The following KCNQ5 variants were observed in gnomAD, a reference collection of about 807,000 sequenced individuals.
KCNQ5 encodes the protein potassium voltage-gated channel subfamily Q member 5.
KCNQ5 carries 30 observed loss-of-function variants against 98.2 expected under a neutral mutation model. That is an observed-to-expected ratio of 0.31 (90% CI 0.23 to 0.41). The LOEUF (loss-of-function observed/expected upper bound fraction) is 0.41. Among genes scored for constraint, KCNQ5 ranks in the 10% least tolerant of loss-of-function variants. The pLI, the probability that KCNQ5 is intolerant of heterozygous loss-of-function variation, is 1.00. For synonymous variants in KCNQ5, 458 were observed against 449.4 expected, an observed-to-expected ratio of 1.02 and a Z score of -0.24; for missense variants, 835 against 1,182.5, an observed-to-expected ratio of 0.71 and a Z score of 4.31.
chr6:73,031,511 G>A (rs551927360), intron 2 of KCNQ5, among the ~76,000 whole-genome samples: 3 of 152,274 alleles, frequency 2.0e-5, no homozygotes, highest in South Asian at 2.1e-4. Flanking sequence ...GCCTGAAGCC[G>A]TGAACTGAAG....
intron 1 of KCNQ5, among the ~76,000 whole-genome samples, chr6:72,893,077 G>A (rs1779117391): frequency 6.6e-6 from 1 of 152,082 alleles, no homozygotes; most frequent in African/African-American, 2.4e-5. Flanking sequence ...CTCCAAAAAT[G>A]AAAATAAAAA....
chr6:73,183,544 T>C (rs1031117281), intron 11 of KCNQ5, among the ~76,000 whole-genome samples: 1 of 152,104 alleles, frequency 6.6e-6, no homozygotes, highest in Non-Finnish European at 1.5e-5. Flanking sequence ...GTTAAGTTCA[T>C]TGCATCATAG....
intron 1 of KCNQ5, among the ~76,000 whole-genome samples, chr6:72,837,873 A>G (rs1776578596): frequency 6.6e-6 from 1 of 152,192 alleles, no homozygotes; most frequent in Admixed American, 6.5e-5. Context: ...AGTACACTAT[A>G]CATTGAATTA....
intron 1 of KCNQ5, among the ~76,000 whole-genome samples, chr6:72,759,517 A>G (rs889875922): frequency 3.3e-5 from 5 of 152,162 alleles, no homozygotes; most frequent in African/African-American, 9.7e-5. Flanking sequence ...TGGAATAATT[A>G]TATCTGGCAG....
intron 1 of KCNQ5, among the ~76,000 whole-genome samples, chr6:72,624,926 G>A (rs2098917309): frequency 6.6e-6 from 1 of 152,198 alleles, no homozygotes; most frequent in African/African-American, 2.4e-5. Context: ...TTCATTTATC[G>A]AAGTTGCTTT....
intron 10 of KCNQ5, among the ~76,000 whole-genome samples, chr6:73,153,010 T>A (rs1235962859): frequency 6.6e-6 from 1 of 152,216 alleles, no homozygotes; most frequent in Non-Finnish European, 1.5e-5. Flanking sequence ...AACTCTCATC[T>A]AAAGATTTCT....
chr6:72,853,815 C>T (rs1286477220), intron 1 of KCNQ5, among the ~76,000 whole-genome samples: 1 of 152,114 alleles, frequency 6.6e-6, no homozygotes, highest in East Asian at 1.9e-4. Flanking sequence ...CCAACAATAG[C>T]CCAAGTCTTT....
At chr6:72,675,510 G>C (rs1767362947) in intron 1 of KCNQ5, among the ~76,000 whole-genome samples, 2 of 152,110 alleles carry the variant, frequency 1.3e-5, no homozygotes, top group African/African-American at 4.8e-5. Flanking sequence ...TCTGCCCCTG[G>C]TGTCTGCCCC....
At chr6:72,867,973 A>C (rs537082922) in intron 1 of KCNQ5, among the ~76,000 whole-genome samples, 4,940 of 150,206 alleles carry the variant, frequency 0.033, 93 homozygotes, top group East Asian at 0.061. Context: ...ACTACTACTA[A>C]TAATAATAAT....
Position 73,169,794 on chromosome 6 carries a change from A to C in KCNQ5, c.1517A>C (p.Gln506Pro). 1 of 1,614,100 alleles carries C rather than the reference A, an allele frequency of 6.2e-7. No homozygotes were observed. Among genetic ancestry groups the C allele is most frequent in the East Asian group, 2.2e-5 (1 of 44,888 alleles). The change falls in exon 11 of 14, where the codon CAG becomes CCG. Residue 506 changes from glutamine (Q) to proline (P), a missense_variant. Transcript: ENST00000370398. Reference sequence around the variant, plus strand: ...GATGTATATGATGAAAAAGGATGCCAGTGTGATGTATCAGTGGAAGACCTC... The same window carrying C: ...GATGTATATGATGAAAAAGGATGCCCGTGTGATGTATCAGTGGAAGACCTC... ...TDDVYDEKGC[Q>P]CDVSVEDLTP...
intron 1 of KCNQ5, among the ~76,000 whole-genome samples, chr6:72,961,388 C>A (rs542035738): frequency 6.6e-6 from 1 of 151,748 alleles, no homozygotes; most frequent in South Asian, 2.1e-4. Flanking sequence ...AGGCCGAAGG[C>A]GGGCGGATCA....
chr6:73,044,486 T>A (rs1004229753), intron 3 of KCNQ5, among the ~76,000 whole-genome samples: 7 of 152,200 alleles, frequency 4.6e-5, no homozygotes, highest in Non-Finnish European at 8.8e-5. Context: ...AGTCTTTTAT[T>A]AAATGTACAT....
At chr6:72,862,535 A>G (rs967930666) in intron 1 of KCNQ5, among the ~76,000 whole-genome samples, 1 of 152,202 alleles carries the variant, frequency 6.6e-6, no homozygotes, top group African/African-American at 2.4e-5. Context: ...TCATAAGCTC[A>G]TTCTAGTATT....
At chr6:72,741,060 G>C (rs898168608) in intron 1 of KCNQ5, among the ~76,000 whole-genome samples, 2 of 152,180 alleles carry the variant, frequency 1.3e-5, no homozygotes, top group Non-Finnish European at 2.9e-5. Flanking sequence ...AGGGAAGAGA[G>C]TGCAGATGAG....
chr6:72,980,958 A>G (rs915391894), intron 1 of KCNQ5, among the ~76,000 whole-genome samples: 2 of 152,050 alleles, frequency 1.3e-5, no homozygotes, highest in Non-Finnish European at 2.9e-5. Context: ...GTGATGGATT[A>G]CATTTATTGA....
At chr6:73,034,477 C>A (rs1257116603) in intron 2 of KCNQ5, among the ~76,000 whole-genome samples, 1 of 152,150 alleles carries the variant, frequency 6.6e-6, no homozygotes, top group African/African-American at 2.4e-5. Context: ...CCAGAAAAAA[C>A]TAATGGTCAC....
At chr6:72,711,225 A>G (rs1286214779) in intron 1 of KCNQ5, among the ~76,000 whole-genome samples, 1 of 152,056 alleles carries the variant, frequency 6.6e-6, no homozygotes, top group East Asian at 1.9e-4. Flanking sequence ...CCATGTGAGT[A>G]CACAGCAAGA....
chr6:72,902,079 A>G (rs1779528332), intron 1 of KCNQ5, among the ~76,000 whole-genome samples: 2 of 152,070 alleles, frequency 1.3e-5, no homozygotes, highest in Admixed American at 1.3e-4. Context: ...GGTTAGGTAT[A>G]TTCATAACTA....
chr6:73,061,921 C>T (rs1772800126), intron 3 of KCNQ5, among the ~76,000 whole-genome samples: 1 of 152,134 alleles, frequency 6.6e-6, no homozygotes. Context: ...AAATTATCAA[C>T]TCAGACCATC....
Sources: gnomAD v4.1 joint callset for allele counts (sites outside exome capture counted in the v4.1 genomes callset) on GRCh38, gnomAD v4.1.1 for gene constraint, MANE v1.5 for transcripts, NCBI Gene and HGNC (gene_info 2026-07-23, HGNC 2026-07-21) for gene names.